AADAT: variants seen among roughly 807,000 people sequenced by gnomAD.
AADAT encodes the protein aminoadipate aminotransferase.
AADAT carries 25 observed loss-of-function variants against 56.2 expected under a neutral mutation model. The observed-to-expected ratio is 0.44, with a 90% confidence interval of 0.32 to 0.62. The LOEUF (loss-of-function observed/expected upper bound fraction) is 0.62, where lower values mean the gene tolerates loss of function less well. AADAT is among the 20% of genes least tolerant of loss of function. AADAT has a pLI of 0.04. For synonymous variants in AADAT, 173 were observed against 164.7 expected, an observed-to-expected ratio of 1.05 and a Z score of -0.39; for missense variants, 387 against 510.5, an observed-to-expected ratio of 0.76 and a Z score of 2.33.
intron 4 of AADAT, among the ~76,000 whole-genome samples, chr4:170,073,869 C>T (rs1046351291): frequency 1.3e-5 from 2 of 152,102 alleles, no homozygotes; most frequent in African/African-American, 4.8e-5. Context: ...TTTCTTGCCC[C>T]GTTTACGTCA....
intron 2 of AADAT, 133 bp downstream of exon 2, chr4:170,088,263 C>A: frequency 1.1e-6 from 1 of 935,124 alleles, no homozygotes; most frequent in Non-Finnish European, 1.5e-6. Context: ...CATTGAATGA[C>A]CAAATGGGTC....
chr4:170,071,298 G>T (rs542519728), intron 5 of AADAT, among the ~76,000 whole-genome samples: 14 of 152,290 alleles, frequency 9.2e-5, no homozygotes, highest in Admixed American at 8.5e-4. Context: ...TTCAATCACT[G>T]AGAAGGCCTT....
chr4:170,060,560 T>C lies in AADAT; in HGVS notation c.*368A>G, dbSNP rs866459163. On this transcript the variant is annotated 3_prime_UTR_variant, in exon 13 of 13. Coordinates refer to ENST00000337664, the MANE Select transcript of AADAT (RefSeq NM_016228.4). ...TCAAAATGCCTAAGTGGATTATAAATACAGTTTGGCCATCTGATGAATTTA... is the reference window on the plus strand; with the variant it reads ...TCAAAATGCCTAAGTGGATTATAAACACAGTTTGGCCATCTGATGAATTTA... The C allele has an allele frequency of 6.0e-6, 1 of 166,488 alleles. No individual in the cohort carries two copies. Among genetic ancestry groups the C allele is most frequent in the African/African-American group, 2.4e-5 (1 of 42,168 alleles). The allele number at this position is 166,488 out of a possible 1,614,324, so 10.3% of individuals were successfully genotyped here.
chr4:170,089,945 G>A lies in AADAT; in HGVS notation c.-255C>T, dbSNP rs2111223250. ...TGGCGAGCCCGGCAAAGTCCACGCC[G>A]CACGCGCTCCTGCGGCCGCCAGGGC... On this transcript the variant is annotated 5_prime_UTR_variant, in exon 1 of 13. Transcript: ENST00000337664. 1 of 329,318 alleles carries A rather than the reference G, an allele frequency of 3.0e-6. No individual in the cohort carries two copies. Among genetic ancestry groups the A allele is most frequent in the East Asian group, 5.4e-5 (1 of 18,508 alleles). The allele number at this position is 329,318 out of a possible 1,614,324, so 20.4% of individuals were successfully genotyped here.
upstream of AADAT, among the ~76,000 whole-genome samples, chr4:170,093,230 A>G (rs1383570539): frequency 1.3e-5 from 2 of 152,130 alleles, no homozygotes; most frequent in African/African-American, 4.8e-5. Flanking sequence ...GGAGTTGGAG[A>G]CCAGCCTGAC....
At chr4:170,061,336 C>T (rs1163291474) in intron 12 of AADAT, among the ~76,000 whole-genome samples, 1 of 152,122 alleles carries the variant, frequency 6.6e-6, no homozygotes, top group Non-Finnish European at 1.5e-5. Context: ...TTATGAAAAA[C>T]ACATTTAATG....
At chr4:170,084,741 T>C (rs1732473304) in intron 3 of AADAT, among the ~76,000 whole-genome samples, 1 of 152,328 alleles carries the variant, frequency 6.6e-6, no homozygotes, top group Admixed American at 6.5e-5. Context: ...CTTATGAGCT[T>C]TTGGCATCTT....
intron 4 of AADAT, among the ~76,000 whole-genome samples, chr4:170,076,067 CTGTT>C (rs1420740238): frequency 1.3e-5 from 2 of 152,132 alleles, no homozygotes; most frequent in Admixed American, 6.5e-5. Context: ...ATACAAGTAT[CTGTT>C]TGAGTCCCAG....
chr4:170,083,308 G>A (rs1732403754), intron 3 of AADAT, among the ~76,000 whole-genome samples: 1 of 151,982 alleles, frequency 6.6e-6, no homozygotes, highest in Non-Finnish European at 1.5e-5. Context: ...AATTCAGAAG[G>A]AAATTAAAAG....
chr4:170,086,016 T>G (rs762934899), intron 3 of AADAT, among the ~76,000 whole-genome samples: 11 of 151,452 alleles, frequency 7.3e-5, no homozygotes, highest in Non-Finnish European at 1.5e-4. Context: ...TACCAGCACT[T>G]TGGGAGGCCA....
intron 5 of AADAT, among the ~76,000 whole-genome samples, chr4:170,072,599 A>G (rs1021090932): frequency 1.2e-4 from 18 of 152,256 alleles, no homozygotes; most frequent in Admixed American, 3.3e-4. Flanking sequence ...AGTCAGGTAC[A>G]TAAAAAGAGA....
At chr4:170,092,433 C>T (rs1256720089), upstream of AADAT, among the ~76,000 whole-genome samples, 2 of 152,212 alleles carry the variant, frequency 1.3e-5, no homozygotes, top group Non-Finnish European at 2.9e-5. Context: ...ACCACGAACC[C>T]ACCAGAAGGA....
At chr4:170,069,631 G>A (rs1355549958) in intron 6 of AADAT, among the ~76,000 whole-genome samples, 1 of 152,186 alleles carries the variant, frequency 6.6e-6, no homozygotes, top group Non-Finnish European at 1.5e-5. Context: ...TGTTCAGAGA[G>A]AGAACGCTGA....
At chr4:170,065,570 G>A (rs1267354940) in intron 10 of AADAT, among the ~76,000 whole-genome samples, 1 of 150,032 alleles carries the variant, frequency 6.7e-6, no homozygotes, top group African/African-American at 2.5e-5. Flanking sequence ...GCATGATCTT[G>A]GCTCACTGCC....
intron 5 of AADAT, 57 bp downstream of exon 5, chr4:170,073,079 C>G (rs1731851661): frequency 3.2e-6 from 5 of 1,550,432 alleles, no homozygotes; most frequent in Non-Finnish European, 4.4e-6. Flanking sequence ...TAGTGCTCTT[C>G]TAAAAAGTCA....
In AADAT at chr4:170,089,854, G is replaced by A; in HGVS notation, c.-164C>T. The A allele has an allele frequency of 5.9e-6, 4 of 679,222 alleles. No homozygotes were observed. The highest frequency in any genetic ancestry group is 1.0e-5 in the Non-Finnish European group (4 of 393,494). The allele number at this position is 679,222 out of a possible 1,614,324, so 42.1% of individuals were successfully genotyped here. Reference sequence around the variant, plus strand: ...TTCCCGCGCGCGGTGCCCGGAGAACGCCGCCGAAACTCCCCGGCTGGACGC... The same window carrying A: ...TTCCCGCGCGCGGTGCCCGGAGAACACCGCCGAAACTCCCCGGCTGGACGC... On this transcript the variant is annotated 5_prime_UTR_variant, in exon 1 of 13. Transcript: ENST00000337664.
intron 6 of AADAT, among the ~76,000 whole-genome samples, chr4:170,070,150 A>G (rs1179138662): frequency 6.6e-6 from 1 of 151,926 alleles, no homozygotes; most frequent in African/African-American, 2.4e-5. Flanking sequence ...CTTCAGCTTG[A>G]GCACGGCTTC....
chr4:170,070,935 CAG>C (rs1319951360), intron 5 of AADAT, among the ~76,000 whole-genome samples: 3 of 152,250 alleles, frequency 2.0e-5, no homozygotes, highest in Admixed American at 6.5e-5. Flanking sequence ...TTTTTTGAGA[CAG>C]AGTCTCGCTC....
At chr4:170,084,919 C>G (rs952826969) in intron 3 of AADAT, among the ~76,000 whole-genome samples, 3 of 152,186 alleles carry the variant, frequency 2.0e-5, no homozygotes, top group Non-Finnish European at 4.4e-5. Flanking sequence ...TGCACAGGTT[C>G]ACTTACACGC....
Sources: gnomAD v4.1 joint callset for allele counts (sites outside exome capture counted in the v4.1 genomes callset) on GRCh38, gnomAD v4.1.1 for gene constraint, MANE v1.5 for transcripts, NCBI Gene and HGNC (gene_info 2026-07-23, HGNC 2026-07-21) for gene names.